NPRL2: variants seen among roughly 807,000 people sequenced by gnomAD.
The protein encoded by NPRL2 is GATOR1 complex protein NPRL2.
NPRL2 carries 21 observed loss-of-function variants against 51.1 expected under a neutral mutation model. That is an observed-to-expected ratio of 0.41 (90% CI 0.29 to 0.59). The LOEUF (loss-of-function observed/expected upper bound fraction) is 0.59. Ranked by LOEUF, NPRL2 falls within the 20% of genes least tolerant of loss-of-function variation. The probability of loss-of-function intolerance (pLI) is 0.29; values close to 1 mark genes in which losing one functional copy is unlikely to be tolerated. For synonymous variants in NPRL2, 175 were observed against 187.8 expected (o/e 0.93, Z 0.56); for missense variants, 376 against 483.4 (o/e 0.78, Z 2.08).
Position 50,347,906 on chromosome 3 carries a change from G to A in NPRL2, c.933-5C>T. ...AGCCCGAACTGGATCAGCTTCCTAG[G>A]GTGAGGATCAGAGGACGGGGTGACG... On this transcript the variant is annotated splice_polypyrimidine_tract_variant and splice_region_variant and intron_variant, in intron 9 of 10. Coordinates refer to ENST00000232501, the MANE Select transcript of NPRL2 (RefSeq NM_006545.5). 3 of 1,613,888 alleles carry A rather than the reference G, an allele frequency of 1.9e-6. No individual in the cohort carries two copies. The highest frequency in any genetic ancestry group is 2.5e-6 in the Non-Finnish European group (3 of 1,179,962).
In NPRL2 at chr3:50,350,674, C is replaced by G; in HGVS notation, c.-22G>C. Reference sequence around the variant, plus strand: ...CCATGGCAATAACCGGGCCCAGGCCCGTAGCTCCTCGTTCCTCGCGCAGAG... The same window carrying G: ...CCATGGCAATAACCGGGCCCAGGCCGGTAGCTCCTCGTTCCTCGCGCAGAG... On this transcript the variant is annotated 5_prime_UTR_variant, in exon 1 of 11. Coordinates refer to ENST00000232501, the MANE Select transcript of NPRL2 (RefSeq NM_006545.5). The surrounding 1 kb of genome is among the most constrained non-coding windows in gnomAD (Gnocchi z 5.7). The G allele has an allele frequency of 1.9e-6, 3 of 1,587,768 alleles. No homozygotes were observed. The highest frequency in any genetic ancestry group is 2.6e-6 in the Non-Finnish European group (3 of 1,167,428).
In NPRL2 at chr3:50,348,640, C is replaced by T; in HGVS notation, c.683+45G>A. On this transcript the variant is annotated intron_variant, in intron 6 of 10. Transcript: ENST00000232501. This position sits in a 1 kb window ranked among gnomAD's most constrained non-coding sequence, Gnocchi z 5.8. ...CACACCCAGGGCCCCTGAGGTCTTC[C>T]CTGGCTGGTGACCTTGTCCCAGGTA... 1.2e-6 allele frequency: 2 copies of T among 1,613,952 alleles called. No homozygotes were observed. The highest frequency in any genetic ancestry group is 2.2e-5 in the East Asian group (1 of 44,882).
chr3:50,350,663 G>C lies in NPRL2; in HGVS notation c.-11C>G. ...GCAGCCGCTGCCCATGGCAATAACC[G>C]GGCCCAGGCCCGTAGCTCCTCGTTC... is the stretch of plus-strand genomic sequence containing the variant. On this transcript the variant is annotated 5_prime_UTR_variant, in exon 1 of 11. Coordinates refer to ENST00000232501, the MANE Select transcript of NPRL2 (RefSeq NM_006545.5). This position sits in a 1 kb window ranked among gnomAD's most constrained non-coding sequence, Gnocchi z 5.7. 2 of 1,599,540 alleles carry C rather than the reference G, an allele frequency of 1.3e-6. No homozygotes were observed. Among genetic ancestry groups the C allele is most frequent in the Non-Finnish European group, 1.7e-6 (2 of 1,173,358 alleles).
chr3:50,349,111 TG>T lies in NPRL2; in HGVS notation c.449-102del. ...ATCCCTTGGGGCAAGCAGGTGCCTCTGGGTAGGGCTAATCTTTCTCTTTTTA... is the reference window on the plus strand; with the variant it reads ...ATCCCTTGGGGCAAGCAGGTGCCTCTGGTAGGGCTAATCTTTCTCTTTTTA... On this transcript the variant is annotated intron_variant, in intron 4 of 10. Coordinates refer to ENST00000232501, the MANE Select transcript of NPRL2 (RefSeq NM_006545.5). The surrounding 1 kb of genome is among the most constrained non-coding windows in gnomAD (Gnocchi z 4.6). 1 of 1,371,544 alleles carries T rather than the reference TG, an allele frequency of 7.3e-7. No homozygotes were observed. The highest frequency in any genetic ancestry group is 1.0e-6 in the Non-Finnish European group (1 of 1,004,114). 85.0% of individuals were successfully genotyped at this position (1,371,544 alleles called of 1,614,324 possible).
Position 50,348,228 on chromosome 3 carries a change from G to C in NPRL2, c.828C>G (p.Ala276=). ...ATAGCTGGAACACATCCCGGAGACT[G>C]GCCCTCTTGTGCCCTGTGGGTGCCA... ...SYVTKQGHKR[A]SLRDVFQLYC... is the part of the protein sequence containing the mutation. Residue 276 remains alanine (A), a synonymous_variant, in exon 9 of 11, where the codon GCC becomes GCG. Transcript: ENST00000232501. This position sits in a 1 kb window ranked among gnomAD's most constrained non-coding sequence, Gnocchi z 5.8. 6.2e-7 allele frequency: 1 copy of C among 1,613,992 alleles called. No individual in the cohort carries two copies. The highest frequency in any genetic ancestry group is 2.2e-5 in the East Asian group (1 of 44,882).
Position 50,349,123 on chromosome 3 carries a change from ATCTT to A in NPRL2, c.449-117_449-114del. 1 of 1,300,226 alleles carries A rather than the reference ATCTT, an allele frequency of 7.7e-7. No individual in the cohort carries two copies. Among genetic ancestry groups the A allele is most frequent in the African/African-American group, 1.5e-5 (1 of 67,564 alleles). The allele number at this position is 1,300,226 out of a possible 1,614,324, so 80.5% of individuals were successfully genotyped here. A position where few individuals can be genotyped will look rare whatever the true frequency, so the allele number is the denominator to read the frequency against. On this transcript the variant is annotated intron_variant, in intron 4 of 10. Coordinates refer to ENST00000232501, the MANE Select transcript of NPRL2 (RefSeq NM_006545.5). The surrounding 1 kb of genome is among the most constrained non-coding windows in gnomAD (Gnocchi z 4.6). ...AAGCAGGTGCCTCTGGGTAGGGCTA[ATCTT>A]TCTCTTTTTATGGAGTGAGAAACGG...
At position 50,349,790 on chromosome 3, in the gene NPRL2, C is replaced by A; in HGVS notation, c.214G>T (p.Glu72Ter). ...KKLIGCPVCI[E>*]HKKYSRNALL... is the part of the protein sequence containing the mutation. ...GCATTGCGGCTGTACTTCTTGTGTT[C>A]GATGCACACAGGACAGCCGATCAGC... is the stretch of plus-strand genomic sequence containing the variant. The change falls in exon 3 of 11, where the codon GAA (glutamate) becomes TAA (stop). Residue 72 changes from glutamate to a stop codon, truncating the protein, a stop_gained. Transcript: ENST00000232501. LOFTEE classifies it high-confidence loss of function. The surrounding 1 kb of genome is among the most constrained non-coding windows in gnomAD (Gnocchi z 4.6). The A allele has an allele frequency of 3.7e-6, 6 of 1,613,826 alleles. No individual in the cohort carries two copies. Among genetic ancestry groups the A allele is most frequent in the Non-Finnish European group, 5.1e-6 (6 of 1,179,952 alleles).
rs1252982630 is a variant in NPRL2 at position 50,348,600 on chromosome 3, T to C, written c.684-37A>G. 6.2e-7 allele frequency: 1 copy of C among 1,614,098 alleles called. No homozygotes were observed. The highest frequency in any genetic ancestry group is 2.2e-5 in the East Asian group (1 of 44,886). On this transcript the variant is annotated intron_variant, in intron 6 of 10. Coordinates refer to ENST00000232501, the MANE Select transcript of NPRL2 (RefSeq NM_006545.5). This position sits in a 1 kb window ranked among gnomAD's most constrained non-coding sequence, Gnocchi z 5.8. Reference sequence around the variant, plus strand: ...AGCTGTGCTCAGCTTCTGAGGACCATGCCTTCCCAACCCTCACACCCAGGG... The same window carrying C: ...AGCTGTGCTCAGCTTCTGAGGACCACGCCTTCCCAACCCTCACACCCAGGG...
Position 50,349,047 on chromosome 3 carries a change from C to T in NPRL2, c.449-37G>A. On this transcript the variant is annotated intron_variant, in intron 4 of 10. Coordinates refer to ENST00000232501, the MANE Select transcript of NPRL2 (RefSeq NM_006545.5). The surrounding 1 kb of genome is among the most constrained non-coding windows in gnomAD (Gnocchi z 4.6). ...CCCATCCATATCCTCAGTGCCACTT[C>T]TTCCAAGAGGTCCTCAATTACCATC... 2 of 1,601,620 alleles carry T rather than the reference C, an allele frequency of 1.2e-6. No individual in the cohort carries two copies. Among genetic ancestry groups the T allele is most frequent in the Non-Finnish European group, 1.7e-6 (2 of 1,173,394 alleles).
Position 50,349,009 on chromosome 3 carries a change from A to G in NPRL2, c.450T>C (p.Asp150=). The change falls in exon 5 of 11, where the codon GAT becomes GAC. Residue 150 remains aspartate (D), a splice_region_variant and synonymous_variant. Coordinates refer to ENST00000232501, the MANE Select transcript of NPRL2 (RefSeq NM_006545.5). This position sits in a 1 kb window ranked among gnomAD's most constrained non-coding sequence, Gnocchi z 4.6. Reference sequence around the variant, plus strand: ...CCTTCAAGTGGATGGTGTTGGACTCATCTGCAGGGGGCCCCATCCATATCC... The same window carrying G: ...CCTTCAAGTGGATGGTGTTGGACTCGTCTGCAGGGGGCCCCATCCATATCC... ...NASGRCTLPI[D]ESNTIHLKVI... is the part of the protein sequence containing the mutation. 1 of 1,613,128 alleles carries G rather than the reference A, an allele frequency of 6.2e-7. No individual in the cohort carries two copies. The highest frequency in any genetic ancestry group is 2.2e-5 in the East Asian group (1 of 44,872).
rs1201018567 is a variant in NPRL2, at chr3:50,350,483, CGT to C, written c.78+90_78+91del. ...GTCTGCGAATGAAGCAGCATGCCTG[CGT>C]GCAGCACGGGAAACTACTGCCTTCA... On this transcript the variant is annotated intron_variant, in intron 1 of 10. Coordinates refer to ENST00000232501, the MANE Select transcript of NPRL2 (RefSeq NM_006545.5). This position sits in a 1 kb window ranked among gnomAD's most constrained non-coding sequence, Gnocchi z 5.7. The C allele has an allele frequency of 3.1e-6, 4 of 1,285,168 alleles. No homozygotes were observed. Among genetic ancestry groups the C allele is most frequent in the Non-Finnish European group, 4.4e-6 (4 of 919,144 alleles). The allele number at this position is 1,285,168 out of a possible 1,614,324, so 79.6% of individuals were successfully genotyped here.
chr3:50,347,584 GT>G lies in NPRL2; in HGVS notation c.*21del. Reference sequence around the variant, plus strand: ...TAGGAGGGACTACCCACAGCAATGTGTCCATCCAGTCACTACCAGCCTCACT... The same window carrying G: ...TAGGAGGGACTACCCACAGCAATGTGCCATCCAGTCACTACCAGCCTCACT... On this transcript the variant is annotated 3_prime_UTR_variant, in exon 11 of 11. Transcript: ENST00000232501. 1 of 1,613,864 alleles carries G rather than the reference GT, an allele frequency of 6.2e-7. No homozygotes were observed.
Position 50,348,231 on chromosome 3 carries a change from C to T in NPRL2, c.825G>A (p.Arg275=). The T allele has an allele frequency of 1.2e-6, 2 of 1,613,994 alleles. No homozygotes were observed. Among genetic ancestry groups the T allele is most frequent in the Non-Finnish European group, 1.7e-6 (2 of 1,180,020 alleles). ...GCTGGAACACATCCCGGAGACTGGCCCTCTTGTGCCCTGTGGGTGCCAGGG... is the reference window on the plus strand; with the variant it reads ...GCTGGAACACATCCCGGAGACTGGCTCTCTTGTGCCCTGTGGGTGCCAGGG... ...LSYVTKQGHK[R]ASLRDVFQLY... is the part of the protein sequence containing the mutation. The change falls in exon 9 of 11, where the codon AGG becomes AGA. Residue 275 remains arginine, a synonymous_variant. Coordinates refer to ENST00000232501, the MANE Select transcript of NPRL2 (RefSeq NM_006545.5). The surrounding 1 kb of genome is among the most constrained non-coding windows in gnomAD (Gnocchi z 5.8).
Position 50,350,557 on chromosome 3 carries a change from C to T in NPRL2, c.78+18G>A, listed in dbSNP as rs1343579422. The T allele has an allele frequency of 1.9e-6, 3 of 1,595,860 alleles. No homozygotes were observed. Among genetic ancestry groups the T allele is most frequent in the Non-Finnish European group, 1.7e-6 (2 of 1,170,970 alleles). On this transcript the variant is annotated intron_variant, in intron 1 of 10. Transcript: ENST00000232501. The surrounding 1 kb of genome is among the most constrained non-coding windows in gnomAD (Gnocchi z 5.7). ...GAACGTCCCTCTTCCCGCCCAGTCCCGCGAGCCCGGGTGGCACCTGATAGG... is the reference window on the plus strand; with the variant it reads ...GAACGTCCCTCTTCCCGCCCAGTCCTGCGAGCCCGGGTGGCACCTGATAGG...
At position 50,348,806 on chromosome 3, in the gene NPRL2, G is replaced by A. The variant is rs1457677759; in HGVS notation, c.586-24C>T. 1.2e-6 allele frequency: 2 copies of A among 1,613,938 alleles called. No homozygotes were observed. The highest frequency in any genetic ancestry group is 1.3e-5 in the African/African-American group (1 of 74,922). ...ATCTGGGCAGAGTGGGACAAGGTCA[G>A]AAGAAACAGGATGAGGCCAGGGCTG... On this transcript the variant is annotated intron_variant, in intron 5 of 10. Coordinates refer to ENST00000232501, the MANE Select transcript of NPRL2 (RefSeq NM_006545.5). The surrounding 1 kb of genome is among the most constrained non-coding windows in gnomAD (Gnocchi z 5.8).
At position 50,350,030 on chromosome 3, in the gene NPRL2, G is replaced by A. The variant is rs978173540; in HGVS notation, c.79-8C>T. ...GATGAAGTCTTCAGGGACCTGGGGA[G>A]GGGAGTGGCAATGGGCCCCTCAGTG... On this transcript the variant is annotated splice_region_variant and splice_polypyrimidine_tract_variant and intron_variant, in intron 1 of 10. Transcript: ENST00000232501. This position sits in a 1 kb window ranked among gnomAD's most constrained non-coding sequence, Gnocchi z 5.7. The A allele has an allele frequency of 1.2e-6, 2 of 1,612,782 alleles. No individual in the cohort carries two copies. Among genetic ancestry groups the A allele is most frequent in the African/African-American group, 1.3e-5 (1 of 74,976 alleles).
rs1703700631 is a variant in NPRL2, at chr3:50,349,986, T to C, written c.115A>G (p.Thr39Ala). Reference protein sequence around the residue: ...EDFISRELFDTVQVYIITKPE... With the variant: ...EDFISRELFDAVQVYIITKPE... Reference sequence around the variant, plus strand: ...TTGGTGATGATGTACACTTGGACTGTGTCAAACAGCTCTCGGGAGATGAAG... The same window carrying C: ...TTGGTGATGATGTACACTTGGACTGCGTCAAACAGCTCTCGGGAGATGAAG... The change falls in exon 2 of 11, where the codon ACA becomes GCA. Residue 39 changes from threonine to alanine, a missense_variant. Transcript: ENST00000232501. The surrounding 1 kb of genome is among the most constrained non-coding windows in gnomAD (Gnocchi z 4.6). The C allele has an allele frequency of 3.7e-6, 6 of 1,613,802 alleles. No individual in the cohort carries two copies. The highest frequency in any genetic ancestry group is 4.2e-6 in the Non-Finnish European group (5 of 1,180,014).
At position 50,349,287 on chromosome 3, in the gene NPRL2, C is replaced by G; in HGVS notation, c.448+99G>C. ...TCAGCCCATGGCTATTTCCTGCCCA[C>G]CAATGTGTTCATGAGTCTTGCCCTT... On this transcript the variant is annotated intron_variant, in intron 4 of 10. Coordinates refer to ENST00000232501, the MANE Select transcript of NPRL2 (RefSeq NM_006545.5). The surrounding 1 kb of genome is among the most constrained non-coding windows in gnomAD (Gnocchi z 4.6). 4 of 1,103,152 alleles carry G rather than the reference C, an allele frequency of 3.6e-6. No individual in the cohort carries two copies. The South Asian group carries it at 5.3e-5, about 15-fold the overall frequency. 68.3% of individuals were successfully genotyped at this position (1,103,152 alleles called of 1,614,324 possible).
At position 50,349,545 on chromosome 3, in the gene NPRL2, G is replaced by C; in HGVS notation, c.340-51C>G. ...GGGCACATCCCAGGACCCCTGGCTG[G>C]TTGGCTGCCCTGAGTCCTGAGCTGG... On this transcript the variant is annotated intron_variant, in intron 3 of 10. Coordinates refer to ENST00000232501, the MANE Select transcript of NPRL2 (RefSeq NM_006545.5). This position sits in a 1 kb window ranked among gnomAD's most constrained non-coding sequence, Gnocchi z 4.6. The C allele has an allele frequency of 1.2e-6, 2 of 1,612,084 alleles. No homozygotes were observed. The highest frequency in any genetic ancestry group is 1.7e-6 in the Non-Finnish European group (2 of 1,178,414).
Sources: allele counts gnomAD v4.1 joint callset, GRCh38; gene constraint gnomAD v4.1.1; non-coding constraint Gnocchi (gnomAD v3.1); transcripts MANE v1.5; gene names NCBI Gene and HGNC (gene_info 2026-07-23, HGNC 2026-07-21).